The following GAB2 variants were observed in gnomAD, a reference collection of about 807,000 sequenced individuals.
GAB2 encodes GRB2-associated-binding protein 2.
In GAB2, 26 loss-of-function variants were observed where a neutral mutation model predicts 65.5. The observed-to-expected ratio is 0.40, with a 90% confidence interval of 0.29 to 0.55. The LOEUF is 0.55. GAB2 is among the 20% of genes least tolerant of loss of function. The pLI is 0.53. For missense variants in GAB2, 884 were observed against 875.8 expected (o/e 1.01, Z -0.12); for synonymous variants, 321 against 329.6 (o/e 0.97, Z 0.28).
At chr11:78,391,446 A>G (rs1203082834) in intron 1 of GAB2, among the ~76,000 whole-genome samples, 1 of 152,230 alleles carries the variant, frequency 6.6e-6, no homozygotes, top group Non-Finnish European at 1.5e-5. Flanking sequence ...AAGTAACACT[A>G]TGTGACTTCT....
chr11:78,369,311 A>T lies in GAB2; in HGVS notation c.75+48335T>A, dbSNP rs182275074. Among the ~76,000 whole-genome samples, 4 of 152,296 alleles carry T rather than the reference A, an allele frequency of 2.6e-5. No homozygotes were observed. The South Asian group carries it at 8.3e-4, about 32-fold the overall frequency. ...TTGCCTTTTAACTGGGTTAGTTTAC[A>T]GTGTATATAAACTTAATGATCAATC... On this transcript the variant is annotated intron_variant, in intron 1 of 9. Transcript: ENST00000361507.
chr11:78,381,429 C>T (rs780073411), intron 1 of GAB2, among the ~76,000 whole-genome samples: 5 of 152,154 alleles, frequency 3.3e-5, no homozygotes, highest in Non-Finnish European at 7.3e-5. Context: ...AGTGAACTAG[C>T]CAAGGGCACA....
intron 1 of GAB2, among the ~76,000 whole-genome samples, chr11:78,405,008 C>CA (rs2135086634): frequency 6.7e-6 from 1 of 149,636 alleles, no homozygotes; most frequent in South Asian, 2.1e-4. Flanking sequence ...TAAATATTTA[C>CA]AACTATTATG....
intron 1 of GAB2, among the ~76,000 whole-genome samples, chr11:78,349,931 G>A (rs1327157028): frequency 8.8e-4 from 130 of 147,118 alleles, no homozygotes; most frequent in African/African-American, 2.8e-3. Context: ...GTAAAAAAAA[G>A]AAAAAAAGAA....
At chr11:78,348,488 C>T (rs996202473) in intron 1 of GAB2, among the ~76,000 whole-genome samples, 2 of 152,144 alleles carry the variant, frequency 1.3e-5, no homozygotes, top group Admixed American at 6.5e-5. Flanking sequence ...GCACATGGTG[C>T]TCAACATCAC....
intron 2 of GAB2, among the ~76,000 whole-genome samples, chr11:78,256,765 A>G (rs1465639988): frequency 6.6e-6 from 1 of 152,210 alleles, no homozygotes; most frequent in Non-Finnish European, 1.5e-5. Context: ...CATTAATAGG[A>G]TTTGTTTTTA....
At chr11:78,350,017 A>C (rs1305745092) in intron 1 of GAB2, among the ~76,000 whole-genome samples, 1 of 152,162 alleles carries the variant, frequency 6.6e-6, no homozygotes, top group East Asian at 1.9e-4. Context: ...ACACGTCCTC[A>C]TTCTTATTCT....
intron 2 of GAB2, among the ~76,000 whole-genome samples, chr11:78,269,681 T>C (rs1258964466): frequency 6.6e-6 from 1 of 152,222 alleles, no homozygotes; most frequent in African/African-American, 2.4e-5. Flanking sequence ...ATTTGAGTGT[T>C]GACTTACTCG....
intron 3 of GAB2, among the ~76,000 whole-genome samples, chr11:78,231,011 C>T (rs1184014906): frequency 1.3e-5 from 2 of 152,156 alleles, no homozygotes; most frequent in Non-Finnish European, 2.9e-5. Context: ...CTTACAGAAG[C>T]CTTATAAAAT....
chr11:78,261,784 A>G (rs999649388), intron 2 of GAB2, among the ~76,000 whole-genome samples: 2 of 152,154 alleles, frequency 1.3e-5, no homozygotes, highest in Non-Finnish European at 2.9e-5. Context: ...AGAAAGAACA[A>G]ATTTATACTC....
Position 78,409,497 on chromosome 11 carries a change from T to C in GAB2, c.75+8149A>G, listed in dbSNP as rs113805874. Among the ~76,000 whole-genome samples the C allele has an allele frequency of 7.9e-3, 1,196 of 152,216 alleles. 11 individuals are homozygous for C. The highest frequency in any genetic ancestry group is 0.027 in the African/African-American group (1,136 of 41,530). Reference sequence around the variant, plus strand: ...TACTTGGGAGGCTGAGGCAGGAGAATTGCTTGCACCCAGGAGGTGGAGGTT... The same window carrying C: ...TACTTGGGAGGCTGAGGCAGGAGAACTGCTTGCACCCAGGAGGTGGAGGTT... On this transcript the variant is annotated intron_variant, in intron 1 of 9. Transcript: ENST00000361507.
Position 78,417,695 on chromosome 11 carries a change from C to A in GAB2, c.26G>T (p.Cys9Phe). The A allele has an allele frequency of 7.3e-7, 1 of 1,361,598 alleles. No individual in the cohort carries two copies. Among genetic ancestry groups the A allele is most frequent in the Middle Eastern group, 2.2e-4 (1 of 4,514 alleles). 84.3% of individuals were successfully genotyped at this position (1,361,598 alleles called of 1,614,324 possible). A position where few individuals can be genotyped will look rare whatever the true frequency, so the allele number is the denominator to read the frequency against. ...AGGCGATTTCCTCAGCCAGCCGGTGCACACCACGTCGCCGCCGCCGCTCAT... is the reference window on the plus strand; with the variant it reads ...AGGCGATTTCCTCAGCCAGCCGGTGAACACCACGTCGCCGCCGCCGCTCAT... The part of the protein sequence containing the change: MSGGGDVV[C>F]TGWLRKSPPE... The change falls in exon 1 of 10, where the codon TGC (cysteine) becomes TTC (phenylalanine). Residue 9 changes from cysteine (C) to phenylalanine (F), a missense_variant. Transcript: ENST00000361507.
rs1006469050 is a variant in GAB2 at position 78,215,999 on chromosome 11, T to C, written c.*3273A>G. The C allele has an allele frequency of 6.6e-6, 1 of 152,586 alleles. No homozygotes were observed. Among genetic ancestry groups the C allele is most frequent in the African/African-American group, 2.4e-5 (1 of 41,414 alleles). The allele number at this position is 152,586 out of a possible 1,614,324, so 9.5% of individuals were successfully genotyped here. ...GGGGCATACTTTGTTAACTTCTACA[T>C]TGGAAACCACTAAAGTCAAGCTAGG... On this transcript the variant is annotated 3_prime_UTR_variant, in exon 10 of 10. Coordinates refer to ENST00000361507, the MANE Select transcript of GAB2 (RefSeq NM_080491.3).
chr11:78,246,875 A>AG (rs138640693), intron 3 of GAB2, among the ~76,000 whole-genome samples: 2,522 of 152,286 alleles, frequency 0.017, 73 homozygotes, highest in African/African-American at 0.057. Context: ...TGTGTATGGT[A>AG]GTTCAAATCT....
At chr11:78,339,349 C>T (rs762064891) in intron 1 of GAB2, among the ~76,000 whole-genome samples, 1 of 152,064 alleles carries the variant, frequency 6.6e-6, no homozygotes, top group Non-Finnish European at 1.5e-5. Context: ...TCTTTTTTTG[C>T]ACCCATTTGG....
At chr11:78,298,739 A>T (rs1484964269) in intron 1 of GAB2, among the ~76,000 whole-genome samples, 4 of 152,296 alleles carry the variant, frequency 2.6e-5, no homozygotes, top group Admixed American at 2.6e-4. Flanking sequence ...AAAGCACTGA[A>T]TTAAGCAAAG....
intron 1 of GAB2, among the ~76,000 whole-genome samples, chr11:78,373,628 A>G (rs1291674672): frequency 1.3e-5 from 2 of 152,322 alleles, no homozygotes; most frequent in Middle Eastern, 3.4e-3. Flanking sequence ...AACACATTGA[A>G]TGGGCCCGGG....
chr11:78,324,075 G>C (rs1855779134), intron 1 of GAB2, among the ~76,000 whole-genome samples: 1 of 151,924 alleles, frequency 6.6e-6, no homozygotes, highest in Non-Finnish European at 1.5e-5. Context: ...TGGGATAACA[G>C]TCATGATCCA....
At chr11:78,299,693 C>A (rs1192112549) in intron 1 of GAB2, among the ~76,000 whole-genome samples, 1 of 152,182 alleles carries the variant, frequency 6.6e-6, no homozygotes. Context: ...ACATGAGAAA[C>A]AGAACCAAAT....
Sources: gnomAD v4.1 joint callset for allele counts (sites outside exome capture counted in the v4.1 genomes callset) on GRCh38, gnomAD v4.1.1 for gene constraint, MANE v1.5 for transcripts, NCBI Gene and HGNC (gene_info 2026-07-23, HGNC 2026-07-21) for gene names.